MAGI1: variants seen among roughly 807,000 people sequenced by gnomAD.
MAGI1 encodes the protein membrane-associated guanylate kinase, WW and PDZ domain-containing protein 1.
In MAGI1, 58 loss-of-function variants were observed where a neutral mutation model predicts 139.9. The ratio of observed to expected loss-of-function variants is 0.41; its 90% CI spans 0.34 to 0.52. The LOEUF is 0.52. MAGI1 is among the 20% of genes least tolerant of loss of function. The pLI, the probability that MAGI1 is intolerant of heterozygous loss-of-function variation, is 0.12. For synonymous variants in MAGI1, 812 were observed against 737.9 expected, an observed-to-expected ratio of 1.10 and a Z score of -1.63; for missense variants, 1,874 against 1,901.6, an observed-to-expected ratio of 0.99 and a Z score of 0.27.
At chr3:65,872,093 A>G (rs13075667) in intron 1 of MAGI1, among the ~76,000 whole-genome samples, 2,904 of 152,312 alleles carry the variant, frequency 0.019, 41 homozygotes, top group Non-Finnish European at 0.03. Flanking sequence ...GAAAACTGGG[A>G]AAATTAACAG....
At chr3:65,812,360 G>A (rs570392270) in intron 1 of MAGI1, among the ~76,000 whole-genome samples, 3 of 151,880 alleles carry the variant, frequency 2.0e-5, no homozygotes, top group Non-Finnish European at 2.9e-5. Context: ...CTAGCATGAT[G>A]GGGGCACACA....
intron 1 of MAGI1, among the ~76,000 whole-genome samples, chr3:65,771,950 C>T (rs1186958346): frequency 6.6e-6 from 1 of 152,180 alleles, no homozygotes; most frequent in African/African-American, 2.4e-5. Context: ...CGCCTATAAT[C>T]CCAGCACTTT....
chr3:65,439,599 G>T (rs573725921), intron 9 of MAGI1, among the ~76,000 whole-genome samples: 37 of 152,264 alleles, frequency 2.4e-4, no homozygotes, highest in African/African-American at 8.4e-4. Flanking sequence ...TACTGCGGGG[G>T]CAAGAAATTT....
At chr3:65,785,340 CT>C (rs943645478) in intron 1 of MAGI1, among the ~76,000 whole-genome samples, 1 of 152,134 alleles carries the variant, frequency 6.6e-6, no homozygotes, top group Non-Finnish European at 1.5e-5. Context: ...ATTCTTCCCC[CT>C]TTTCTTGGAC....
chr3:65,691,131 T>C (rs2088594205), intron 1 of MAGI1, among the ~76,000 whole-genome samples: 1 of 151,534 alleles, frequency 6.6e-6, no homozygotes, highest in African/African-American at 2.4e-5. Context: ...GGAAACCCCG[T>C]CTCTACTAAA....
intron 2 of MAGI1, among the ~76,000 whole-genome samples, chr3:65,544,647 T>C (rs1427456669): frequency 6.6e-6 from 1 of 152,172 alleles, no homozygotes; most frequent in Non-Finnish European, 1.5e-5. Context: ...GTCTTTTTTG[T>C]GGTTTGGACA....
chr3:65,436,831 G>A (rs956650404), intron 10 of MAGI1, among the ~76,000 whole-genome samples: 1 of 151,934 alleles, frequency 6.6e-6, no homozygotes, highest in Non-Finnish European at 1.5e-5. Context: ...ATCTCACAAT[G>A]CCCAGGACAA....
chr3:65,680,795 T>TATGATATGATATGATATGATATGATATG lies in MAGI1; in HGVS notation c.314-58708_314-58707insCATATCATATCATATCATATCATATCAT, dbSNP rs58365928. On this transcript the variant is annotated intron_variant, in intron 1 of 22. Coordinates refer to ENST00000402939, the MANE Select transcript of MAGI1 (RefSeq NM_001033057.2). ...TATGATATGATATGATATGATATGA[T>TATGATATGATATGATATGATATGATATG]ATACTTTAATAATTATTAAAATCAT... 1.8e-3 allele frequency among the ~76,000 whole-genome samples: 272 copies of TATGATATGATATGATATGATATGATATG among 151,272 alleles called. 2 individuals are homozygous for TATGATATGATATGATATGATATGATATG. Among genetic ancestry groups the TATGATATGATATGATATGATATGATATG allele is most frequent in the African/African-American group, 6.3e-3 (256 of 40,900 alleles).
chr3:65,801,461 T>C (rs1345752826), intron 1 of MAGI1, among the ~76,000 whole-genome samples: 1 of 152,126 alleles, frequency 6.6e-6, no homozygotes, highest in East Asian at 1.9e-4. Flanking sequence ...ATGACCAAAT[T>C]TAGAGATGAA....
chr3:65,515,220 TAGTG>T (rs1433756214), intron 2 of MAGI1, among the ~76,000 whole-genome samples: 3 of 143,434 alleles, frequency 2.1e-5, no homozygotes, highest in African/African-American at 7.8e-5. Context: ...GATGACGAGT[TAGTG>T]GGTGCAGCAC....
At chr3:65,974,399 G>GGA (rs1560071612) in intron 1 of MAGI1, among the ~76,000 whole-genome samples, 6 of 5,196 alleles carry the variant, frequency 1.2e-3, no homozygotes, top group Non-Finnish European at 4.0e-3. Flanking sequence ...GGGTGGATGG[G>GGA]TGGATGGGTG....
At chr3:66,016,341 A>G (rs1008870525) in intron 1 of MAGI1, among the ~76,000 whole-genome samples, 3 of 152,224 alleles carry the variant, frequency 2.0e-5, no homozygotes, top group Non-Finnish European at 2.9e-5. Flanking sequence ...CCAAGGCCAC[A>G]TAGCAAGGAA....
At chr3:65,537,223 C>T (rs887002532) in intron 2 of MAGI1, among the ~76,000 whole-genome samples, 2 of 152,138 alleles carry the variant, frequency 1.3e-5, no homozygotes, top group Admixed American at 6.5e-5. Flanking sequence ...TTCCAACATG[C>T]CTTTGCTCAA....
At chr3:65,692,782 G>C (rs1300580522) in intron 1 of MAGI1, among the ~76,000 whole-genome samples, 1 of 152,110 alleles carries the variant, frequency 6.6e-6, no homozygotes, top group African/African-American at 2.4e-5. Flanking sequence ...AACCAGTTTG[G>C]CTGTCTCTTG....
chr3:65,559,486 T>G (rs570562144), intron 2 of MAGI1, among the ~76,000 whole-genome samples: 1 of 152,230 alleles, frequency 6.6e-6, no homozygotes, highest in Non-Finnish European at 1.5e-5. Context: ...TTACTTTAAA[T>G]TTTTTAATTT....
At chr3:65,689,552 A>T (rs763882537) in intron 1 of MAGI1, among the ~76,000 whole-genome samples, 3 of 152,242 alleles carry the variant, frequency 2.0e-5, no homozygotes, top group Non-Finnish European at 4.4e-5. Flanking sequence ...GTGCCAGGTC[A>T]CAGTGACACC....
At chr3:65,876,511 A>C (rs932328484) in intron 1 of MAGI1, among the ~76,000 whole-genome samples, 1 of 152,214 alleles carries the variant, frequency 6.6e-6, no homozygotes, top group African/African-American at 2.4e-5. Context: ...TACCAGGGAT[A>C]ACAGAAAATA....
At chr3:65,935,468 T>G (rs1310881766) in intron 1 of MAGI1, among the ~76,000 whole-genome samples, 2 of 152,050 alleles carry the variant, frequency 1.3e-5, no homozygotes, top group Non-Finnish European at 2.9e-5. Flanking sequence ...AAAAAAATGT[T>G]TTAATTAGCT....
intron 1 of MAGI1, among the ~76,000 whole-genome samples, chr3:65,706,739 G>A (rs2030366945): frequency 6.6e-6 from 1 of 152,130 alleles, no homozygotes. Flanking sequence ...ACTTCATGTT[G>A]ACTACAGCGT....
Sources: allele counts gnomAD v4.1 joint callset (sites outside exome capture counted in the v4.1 genomes callset), GRCh38; gene constraint gnomAD v4.1.1; transcripts MANE v1.5; gene names NCBI Gene and HGNC (gene_info 2026-07-23, HGNC 2026-07-21).